Variants in GABRG3 observed in about 807,000 individuals in gnomAD.
GABRG3 encodes the protein gamma-aminobutyric acid type A receptor subunit gamma3.
GABRG3 carries 25 observed loss-of-function variants against 48.8 expected under a neutral mutation model. That is an observed-to-expected ratio of 0.51 (90% CI 0.37 to 0.72). The LOEUF (loss-of-function observed/expected upper bound fraction) is 0.72, where lower values mean the gene tolerates loss of function less well. GABRG3 is among the 30% of genes least tolerant of loss of function. The pLI is 0.00. For missense variants in GABRG3, 394 were observed against 577.9 expected (o/e 0.68, Z 3.26); for synonymous variants, 227 against 217.6 (o/e 1.04, Z -0.38).
chr15:27,048,136 G>A (rs1896395172), intron 3 of GABRG3, among the ~76,000 whole-genome samples: 1 of 152,102 alleles, frequency 6.6e-6, no homozygotes, highest in South Asian at 2.1e-4. Context: ...GCTGCAGGGG[G>A]GTGAGTACAG....
At position 27,535,079 on chromosome 15, in the gene GABRG3, T is replaced by G. The variant is rs1218486295; in HGVS notation, c.*2198T>G. 6.6e-6 allele frequency: 1 copy of G among 152,224 alleles called. No individual in the cohort carries two copies. The highest frequency in any genetic ancestry group is 1.5e-5 in the Non-Finnish European group (1 of 68,068). The allele number at this position is 152,224 out of a possible 1,614,324, so 9.4% of individuals were successfully genotyped here. ...AGCAACCCCCGCCTTGGCAGAAGTATTCTGCAAGGACCCTGACCAAAGGAA... is the reference window on the plus strand; with the variant it reads ...AGCAACCCCCGCCTTGGCAGAAGTAGTCTGCAAGGACCCTGACCAAAGGAA... On this transcript the variant is annotated 3_prime_UTR_variant, in exon 10 of 10. Transcript: ENST00000615808.
chr15:27,158,988 A>G (rs1340511521), intron 3 of GABRG3, among the ~76,000 whole-genome samples: 1 of 152,150 alleles, frequency 6.6e-6, no homozygotes, highest in East Asian at 1.9e-4. Context: ...GCCACAGGCC[A>G]TTGTAGTCAG....
At chr15:27,512,698 G>T (rs971643952) in intron 6 of GABRG3, among the ~76,000 whole-genome samples, 1 of 152,208 alleles carries the variant, frequency 6.6e-6, no homozygotes. Context: ...ACATATGGAG[G>T]TTGTGGAGAA....
At chr15:26,977,756 G>C (rs1465336135) in intron 2 of GABRG3, among the ~76,000 whole-genome samples, 1 of 152,052 alleles carries the variant, frequency 6.6e-6, no homozygotes, top group Non-Finnish European at 1.5e-5. Context: ...TCCTGTTTTT[G>C]TCTATTGCAA....
chr15:27,064,139 G>A (rs1265200816), intron 3 of GABRG3, among the ~76,000 whole-genome samples: 3 of 152,238 alleles, frequency 2.0e-5, no homozygotes, highest in Non-Finnish European at 4.4e-5. Flanking sequence ...GGCAGAGAGT[G>A]CAGGGTGGAG....
chr15:27,374,386 C>T (rs1183183555), intron 5 of GABRG3, among the ~76,000 whole-genome samples: 1 of 152,072 alleles, frequency 6.6e-6, no homozygotes, highest in African/African-American at 2.4e-5. Context: ...CTGCCTCAGC[C>T]TTCTAAAGTG....
intron 3 of GABRG3, among the ~76,000 whole-genome samples, chr15:27,161,814 C>G (rs527495342): frequency 6.6e-6 from 1 of 152,072 alleles, no homozygotes; most frequent in South Asian, 2.1e-4. Context: ...AAAGCATGTG[C>G]AGAATCTTAA....
In GABRG3 at chr15:27,104,717, G is replaced by GA. The variant is rs1897420523; in HGVS notation, c.270+77898dup. Reference sequence around the variant, plus strand: ...CCAGGTGCTGTTTGCTTCCTCAGCTGAATCGAAGACAGACTGTGCAATACA... The same window carrying GA: ...CCAGGTGCTGTTTGCTTCCTCAGCTGAAATCGAAGACAGACTGTGCAATACA... On this transcript the variant is annotated intron_variant, in intron 3 of 9. Transcript: ENST00000615808. Among the ~76,000 whole-genome samples the GA allele has an allele frequency of 2.0e-5, 3 of 152,278 alleles. No homozygotes were observed. The South Asian group carries it at 6.2e-4, about 32-fold the overall frequency.
intron 3 of GABRG3, among the ~76,000 whole-genome samples, chr15:27,253,643 C>T (rs977699758): frequency 6.6e-6 from 1 of 152,234 alleles, no homozygotes; most frequent in Non-Finnish European, 1.5e-5. Flanking sequence ...GCGGCTGCAT[C>T]AGGCTCTGAG....
intron 5 of GABRG3, among the ~76,000 whole-genome samples, chr15:27,462,611 A>G (rs1362049724): frequency 2.0e-5 from 3 of 152,228 alleles, no homozygotes; most frequent in Admixed American, 1.3e-4. Context: ...TTGTAAGTTG[A>G]AATACTGTGT....
chr15:26,972,204 C>G (rs970962637), intron 1 of GABRG3, among the ~76,000 whole-genome samples: 6 of 152,174 alleles, frequency 3.9e-5, no homozygotes, highest in African/African-American at 1.4e-4. Context: ...CACGCACTCC[C>G]ACCCCCATAA....
chr15:27,174,610 C>G (rs994670550), intron 3 of GABRG3, among the ~76,000 whole-genome samples: 1 of 151,802 alleles, frequency 6.6e-6, no homozygotes, highest in African/African-American at 2.4e-5. Context: ...CTCTCTCTCT[C>G]TCTCTCTCAC....
At chr15:26,986,326 A>G (rs1298655710) in intron 2 of GABRG3, among the ~76,000 whole-genome samples, 1 of 152,232 alleles carries the variant, frequency 6.6e-6, no homozygotes, top group Non-Finnish European at 1.5e-5. Context: ...ATTCTCTCAC[A>G]AAGTTAATTC....
intron 3 of GABRG3, among the ~76,000 whole-genome samples, chr15:27,159,375 G>A (rs1898516621): frequency 6.6e-6 from 1 of 151,834 alleles, no homozygotes; most frequent in Non-Finnish European, 1.5e-5. Flanking sequence ...CCAGCTACTG[G>A]GGAGACTGAG....
intron 5 of GABRG3, among the ~76,000 whole-genome samples, chr15:27,340,236 G>A (rs1036812600): frequency 6.6e-6 from 1 of 152,062 alleles, no homozygotes; most frequent in African/African-American, 2.4e-5. Context: ...GGGCAGGAGC[G>A]GGTGCGAGGG....
chr15:27,429,737 A>G (rs528958385), intron 5 of GABRG3, among the ~76,000 whole-genome samples: 2 of 152,290 alleles, frequency 1.3e-5, no homozygotes, highest in African/African-American at 2.4e-5. Context: ...CATAGCTTAT[A>G]TTAGTACCGC....
chr15:27,253,556 A>G (rs896267770), intron 3 of GABRG3, among the ~76,000 whole-genome samples: 1 of 152,188 alleles, frequency 6.6e-6, no homozygotes, highest in African/African-American at 2.4e-5. Flanking sequence ...TTCTACTGTA[A>G]GTTATGAAAT....
At chr15:27,434,707 G>A (rs538272369) in intron 5 of GABRG3, among the ~76,000 whole-genome samples, 1 of 152,266 alleles carries the variant, frequency 6.6e-6, no homozygotes, top group East Asian at 1.9e-4. Context: ...TGAGGGCAGT[G>A]AACACCTGGC....
rs377126220 is a variant in GABRG3 at position 27,458,860 on chromosome 15, C to G, written c.575-21790C>G. Among the ~76,000 whole-genome samples, 40 of 152,304 alleles carry G rather than the reference C, an allele frequency of 2.6e-4. No homozygotes were observed. The East Asian group carries it at 7.2e-3, about 27-fold the overall frequency. On this transcript the variant is annotated intron_variant, in intron 5 of 9. Coordinates refer to ENST00000615808, the MANE Select transcript of GABRG3 (RefSeq NM_033223.5). ...TCTAGATGAGCTCGGGCTCCTGTGG[C>G]CCTGGGCATGTAGGAGTGGGTGCAG...
Sources: gnomAD v4.1 joint callset for allele counts (sites outside exome capture counted in the v4.1 genomes callset) on GRCh38, gnomAD v4.1.1 for gene constraint, MANE v1.5 for transcripts, NCBI Gene and HGNC (gene_info 2026-07-23, HGNC 2026-07-21) for gene names.